The following L3HYPDH variants were observed in gnomAD, a reference collection of about 807,000 sequenced individuals.
L3HYPDH encodes trans-L-3-hydroxyproline dehydratase.
Under a neutral mutation model 26.5 loss-of-function variants are expected in L3HYPDH, and 32 were observed. The observed-to-expected ratio is 1.21, with a 90% CI of 0.91 to 1.62. The LOEUF (loss-of-function observed/expected upper bound fraction) is 1.62. Ranked by LOEUF, L3HYPDH falls within the 40% of genes most tolerant of loss-of-function variation. The pLI is 0.00. For synonymous variants in L3HYPDH, 215 were observed against 196.6 expected (o/e 1.09, Z -0.78); for missense variants, 554 against 476.4 (o/e 1.16, Z -1.52).
rs766796597 is a variant in L3HYPDH at position 59,484,043 on chromosome 14, C to G, written c.274G>C (p.Val92Leu). The G allele has an allele frequency of 1.5e-5, 24 of 1,606,128 alleles. No individual in the cohort carries two copies. The highest frequency in any genetic ancestry group is 5.0e-5 in the Admixed American group (3 of 59,876). Residue 92 changes from valine (V) to leucine (L), a missense_variant, in exon 1 of 5, where the codon GTC becomes CTC. By Grantham distance (32) the Val-to-Leu change is conservative. Coordinates refer to ENST00000247194, the MANE Select transcript of L3HYPDH (RefSeq NM_144581.2). ...TAGCCCTCGTTGTGCAGGAACAGGA[C>G]GCCCAGATGCGCGTCCGGCAGCTCG... ...PSELPDAHLGVLFLHNEGYSS... is the reference protein window; with the variant it reads ...PSELPDAHLGLLFLHNEGYSS...
intron 1 of L3HYPDH, among the ~76,000 whole-genome samples, chr14:59,467,074 G>A (rs1246435535): frequency 1.3e-5 from 2 of 152,070 alleles, no homozygotes; most frequent in East Asian, 3.9e-4. Flanking sequence ...TATAAGATAG[G>A]AAACCCAGCC....
downstream of L3HYPDH, among the ~76,000 whole-genome samples, chr14:59,469,479 C>G (rs552280834): frequency 1.4e-5 from 2 of 146,020 alleles, no homozygotes; most frequent in Admixed American, 1.4e-4. Flanking sequence ...CGCTTGAACC[C>G]GGGAAGCAGA....
At chr14:59,466,586 T>C (rs1198459761) in intron 1 of L3HYPDH, among the ~76,000 whole-genome samples, 3 of 152,240 alleles carry the variant, frequency 2.0e-5, no homozygotes, top group Non-Finnish European at 4.4e-5. Flanking sequence ...CCAGTGATTC[T>C]GATGCACAAA....
the L3HYPDH span, among the ~76,000 whole-genome samples, chr14:59,492,954 C>T: frequency 7.9e-5 from 12 of 152,004 alleles, no homozygotes; most frequent in Non-Finnish European, 1.3e-4. Flanking sequence ...CCTGCCACCA[C>T]GCCCGGCCAA....
At chr14:59,499,809 G>A in the L3HYPDH span, among the ~76,000 whole-genome samples, 2 of 152,238 alleles carry the variant, frequency 1.3e-5, no homozygotes, top group Non-Finnish European at 1.5e-5. Flanking sequence ...GTTTACAGAT[G>A]AACTGTTTCA....
chr14:59,474,300 A>G (rs1204314385), intron 4 of L3HYPDH: 3 of 544,446 alleles, frequency 5.5e-6, no homozygotes, highest in Non-Finnish European at 9.7e-6. Flanking sequence ...CCTATCACAC[A>G]TACACAGTAG....
chr14:59,480,092 G>C (rs1889907187), intron 1 of L3HYPDH, among the ~76,000 whole-genome samples: 2 of 152,156 alleles, frequency 1.3e-5, no homozygotes, highest in Non-Finnish European at 2.9e-5. Flanking sequence ...ATTTAAGCTA[G>C]CTTGGTGATC....
At chr14:59,495,851 C>A in the L3HYPDH span, among the ~76,000 whole-genome samples, 1 of 152,066 alleles carries the variant, frequency 6.6e-6, no homozygotes, top group South Asian at 2.1e-4. Flanking sequence ...CAAATAGGTA[C>A]AAAACAACCA....
At chr14:59,494,911 T>C in the L3HYPDH span, 2 of 718,852 alleles carry the variant, frequency 2.8e-6, no homozygotes, top group Non-Finnish European at 4.6e-6. Flanking sequence ...AGTTTTTGAC[T>C]TTTCTTATAG....
At chr14:59,484,817 A>G (rs1890401146), upstream of L3HYPDH, 13 of 936,202 alleles carry the variant, frequency 1.4e-5, no homozygotes, top group Admixed American at 2.9e-5. Context: ...GCGAAATGCC[A>G]GGTCTTTGTT....
upstream of L3HYPDH, chr14:59,487,754 C>T (rs1890689251): frequency 1.2e-6 from 2 of 1,613,276 alleles, no homozygotes; most frequent in Non-Finnish European, 1.7e-6. Context: ...ATGATTGGCT[C>T]TATCTTGGAT....
At chr14:59,484,712 C>G (rs1022066466), upstream of L3HYPDH, 12 of 1,282,354 alleles carry the variant, frequency 9.4e-6, no homozygotes, top group Non-Finnish European at 1.3e-5. Context: ...AGGCTCGCCC[C>G]TTGACCCCGC....
chr14:59,498,709 C>T, the L3HYPDH span: 1 of 1,287,904 alleles, frequency 7.8e-7, no homozygotes, highest in East Asian at 2.5e-5. Flanking sequence ...GTTACAAATT[C>T]TTTATTTTAT....
chr14:59,474,672 T>C, intron 4 of L3HYPDH: 1 of 567,712 alleles, frequency 1.8e-6, no homozygotes, highest in Admixed American at 3.3e-5. Flanking sequence ...ACCTAACTTC[T>C]CCAATTCTCC....
chr14:59,476,010 T>C lies in L3HYPDH; in HGVS notation c.802-4A>G. 6.2e-7 allele frequency: 1 copy of C among 1,613,902 alleles called. No homozygotes were observed. Among genetic ancestry groups the C allele is most frequent in the Non-Finnish European group, 8.5e-7 (1 of 1,179,878 alleles). ...AGCCAGTGGGACTTCTGTCAACCTG[T>C]TTCAGAATAAATGAAGACAGAATGT... On this transcript the variant is annotated splice_region_variant and splice_polypyrimidine_tract_variant and intron_variant, in intron 3 of 4. Coordinates refer to ENST00000247194, the MANE Select transcript of L3HYPDH (RefSeq NM_144581.2).
At chr14:59,502,768 T>G in the L3HYPDH span, among the ~76,000 whole-genome samples, 2 of 140,394 alleles carry the variant, frequency 1.4e-5, no homozygotes, top group African/African-American at 2.7e-5. Context: ...TTTTTTTTTT[T>G]TTTTTCGGAG....
intron 1 of L3HYPDH, among the ~76,000 whole-genome samples, chr14:59,467,595 C>T (rs1705410370): frequency 1.3e-5 from 2 of 152,236 alleles, no homozygotes; most frequent in Non-Finnish European, 2.9e-5. Flanking sequence ...CTCTGGACTC[C>T]CCCCTCGGCC....
chr14:59,503,948 T>C, the L3HYPDH span: 1 of 1,613,548 alleles, frequency 6.2e-7, no homozygotes, highest in African/African-American at 1.3e-5. Flanking sequence ...ATTTCCAGAG[T>C]GGATAAACTT....
chr14:59,487,814 C>T (rs1183381818), upstream of L3HYPDH: 13 of 1,613,372 alleles, frequency 8.1e-6, no homozygotes, highest in Non-Finnish European at 1.0e-5. Context: ...TTGAATGGTA[C>T]TCGGGGAAAA....
Sources: gnomAD v4.1 joint callset for allele counts (sites outside exome capture counted in the v4.1 genomes callset) on GRCh38, gnomAD v4.1.1 for gene constraint, MANE v1.5 for transcripts, NCBI Gene and HGNC (gene_info 2026-07-23, HGNC 2026-07-21) for gene names.